SEMA5A: variants seen among roughly 807,000 people sequenced by gnomAD.
SEMA5A encodes semaphorin 5A.
In SEMA5A, 55 loss-of-function variants were observed where a neutral mutation model predicts 135.5. That is an observed-to-expected ratio of 0.41 (90% CI 0.33 to 0.51). The LOEUF (loss-of-function observed/expected upper bound fraction) is 0.51, where lower values mean the gene tolerates loss of function less well. SEMA5A is among the 20% of genes least tolerant of loss of function. The pLI is 0.37. For synonymous variants in SEMA5A, 580 were observed against 546.5 expected (o/e 1.06, Z -0.85); for missense variants, 1,290 against 1,419.9 (o/e 0.91, Z 1.47).
chr5:9,495,666 G>A (rs879285220), intron 1 of SEMA5A, among the ~76,000 whole-genome samples: 2 of 152,210 alleles, frequency 1.3e-5, no homozygotes, highest in Admixed American at 6.5e-5. Flanking sequence ...TCCACAGGAG[G>A]ATGAAGAGAA....
At chr5:9,207,505 T>C (rs916766257) in intron 8 of SEMA5A, among the ~76,000 whole-genome samples, 2 of 152,116 alleles carry the variant, frequency 1.3e-5, no homozygotes, top group African/African-American at 4.8e-5. Flanking sequence ...AGTTTTTAAA[T>C]AGCAAGCTAT....
At position 9,253,672 on chromosome 5, in the gene SEMA5A, T is replaced by C. The variant is rs374120827; in HGVS notation, c.271-15782A>G. 3.9e-4 allele frequency among the ~76,000 whole-genome samples: 59 copies of C among 152,314 alleles called. No homozygotes were observed. The South Asian group carries it at 5.2e-3, about 13-fold the overall frequency. On this transcript the variant is annotated intron_variant, in intron 5 of 22. Coordinates refer to ENST00000382496, the MANE Select transcript of SEMA5A (RefSeq NM_003966.3). Reference sequence around the variant, plus strand: ...GATTTAACAAACATATAGTGTTTCGTTATCCAATTTTAATAGAACCTATAA... The same window carrying C: ...GATTTAACAAACATATAGTGTTTCGCTATCCAATTTTAATAGAACCTATAA...
chr5:9,342,399 G>A, intron 3 of SEMA5A, among the ~76,000 whole-genome samples: 1 of 152,198 alleles, frequency 6.6e-6, no homozygotes. Context: ...GCTGGCTCCG[G>A]ATACCTGTTT....
intron 5 of SEMA5A, among the ~76,000 whole-genome samples, chr5:9,301,690 AT>A (rs1488812028): frequency 6.6e-6 from 1 of 152,108 alleles, no homozygotes; most frequent in Non-Finnish European, 1.5e-5. Context: ...AAGGCCACTG[AT>A]TAAGGGCACT....
intron 6 of SEMA5A, among the ~76,000 whole-genome samples, chr5:9,237,252 C>T (rs919637624): frequency 3.9e-5 from 6 of 152,138 alleles, no homozygotes; most frequent in South Asian, 2.1e-4. Context: ...CAAAGAATCA[C>T]GCATCTTTTT....
chr5:9,481,400 G>A (rs1237184667), intron 1 of SEMA5A, among the ~76,000 whole-genome samples: 1 of 152,146 alleles, frequency 6.6e-6, no homozygotes, highest in Non-Finnish European at 1.5e-5. Flanking sequence ...TGTGGAAGGT[G>A]TCCCTATCAC....
At chr5:9,205,724 C>T (rs757196398) in intron 8 of SEMA5A, among the ~76,000 whole-genome samples, 1 of 152,206 alleles carries the variant, frequency 6.6e-6, no homozygotes, top group Non-Finnish European at 1.5e-5. Context: ...GAGTGCTGTT[C>T]TCTAATTCAC....
At chr5:9,171,231 G>A (rs1023878938) in intron 11 of SEMA5A, among the ~76,000 whole-genome samples, 1 of 152,140 alleles carries the variant, frequency 6.6e-6, no homozygotes, top group Admixed American at 6.5e-5. Flanking sequence ...GTTTGACAGT[G>A]AGAGAAATTC....
At chr5:9,526,909 C>T (rs1287346510) in intron 1 of SEMA5A, among the ~76,000 whole-genome samples, 1 of 152,166 alleles carries the variant, frequency 6.6e-6, no homozygotes, top group Non-Finnish European at 1.5e-5. Context: ...TTTAACTTCT[C>T]AAGCTGTTCC....
chr5:9,214,723 C>A (rs533218629), intron 8 of SEMA5A, among the ~76,000 whole-genome samples: 1 of 152,220 alleles, frequency 6.6e-6, no homozygotes, highest in African/African-American at 2.4e-5. Flanking sequence ...TCTGCCCACA[C>A]ATTCTGATGA....
intron 16 of SEMA5A, among the ~76,000 whole-genome samples, chr5:9,095,335 G>T (rs527526488): frequency 1.3e-5 from 2 of 151,990 alleles, no homozygotes; most frequent in Non-Finnish European, 2.9e-5. Context: ...ACCATGGCAC[G>T]TGTATACCTA....
intron 20 of SEMA5A, among the ~76,000 whole-genome samples, 192 bp from the exon 21 acceptor site, chr5:9,050,649 A>G (rs1736520373): frequency 6.6e-6 from 1 of 152,198 alleles, no homozygotes; most frequent in African/African-American, 2.4e-5. Flanking sequence ...ATTTGGCCAA[A>G]TCACCTTGAC....
chr5:9,544,470 G>A (rs1259498353), intron 1 of SEMA5A, among the ~76,000 whole-genome samples: 1 of 152,116 alleles, frequency 6.6e-6, no homozygotes, highest in East Asian at 1.9e-4. Flanking sequence ...CCCTCTCCTA[G>A]CAAGGCTGAC....
chr5:9,542,113 C>T (rs1738124496), intron 1 of SEMA5A, among the ~76,000 whole-genome samples: 1 of 152,110 alleles, frequency 6.6e-6, no homozygotes, highest in South Asian at 2.1e-4. Context: ...ATCTGGATAA[C>T]CAATTCTTAA....
At chr5:9,184,906 T>G (rs1744724244) in intron 11 of SEMA5A, among the ~76,000 whole-genome samples, 1 of 152,184 alleles carries the variant, frequency 6.6e-6, no homozygotes, top group African/African-American at 2.4e-5. Flanking sequence ...GCTCCCTCTT[T>G]GTTGAAGGTC....
chr5:9,328,143 G>A (rs1016239412), intron 4 of SEMA5A, among the ~76,000 whole-genome samples: 1 of 152,082 alleles, frequency 6.6e-6, no homozygotes, highest in African/African-American at 2.4e-5. Flanking sequence ...ATGGTTTGAT[G>A]CTTCCCACCA....
chr5:9,172,601 C>T (rs1252524491), intron 11 of SEMA5A, among the ~76,000 whole-genome samples: 1 of 152,136 alleles, frequency 6.6e-6, no homozygotes, highest in African/African-American at 2.4e-5. Context: ...ATCATTGTCA[C>T]AAACACATGA....
At chr5:9,509,698 GA>G (rs1447268814) in intron 1 of SEMA5A, among the ~76,000 whole-genome samples, 1 of 152,160 alleles carries the variant, frequency 6.6e-6, no homozygotes, top group Non-Finnish European at 1.5e-5. Flanking sequence ...AACTCTGTAA[GA>G]AGCCTCAGAA....
chr5:9,467,464 T>G (rs1378586058), intron 1 of SEMA5A, among the ~76,000 whole-genome samples: 3 of 152,174 alleles, frequency 2.0e-5, no homozygotes, highest in Non-Finnish European at 4.4e-5. Context: ...AGATTAGAAC[T>G]CCAGGCACCT....
Sources: gnomAD v4.1 joint callset for allele counts (sites outside exome capture counted in the v4.1 genomes callset) on GRCh38, gnomAD v4.1.1 for gene constraint, MANE v1.5 for transcripts, NCBI Gene and HGNC (gene_info 2026-07-23, HGNC 2026-07-21) for gene names.